The following GRIP1 variants were observed in gnomAD, a reference collection of about 807,000 sequenced individuals.
GRIP1 encodes the protein glutamate receptor interacting protein 1.
Under a neutral mutation model 129.9 loss-of-function variants are expected in GRIP1, and 45 were observed. The observed-to-expected ratio is 0.35, with a 90% confidence interval of 0.27 to 0.44. The LOEUF is 0.44. Among genes scored for constraint, GRIP1 ranks in the 20% least tolerant of loss-of-function variants. GRIP1 has a pLI of 1.00. For missense variants in GRIP1, 1,196 were observed against 1,396.8 expected (o/e 0.86, Z 2.29); for synonymous variants, 530 against 520.8 (o/e 1.02, Z -0.24).
At chr12:66,360,924 C>T (rs1264995806) in intron 23 of GRIP1, among the ~76,000 whole-genome samples, 1 of 152,184 alleles carries the variant, frequency 6.6e-6, no homozygotes. Flanking sequence ...GTCCCAATGG[C>T]CTTGAGAACC....
chr12:66,454,371 A>G (rs560587887), intron 11 of GRIP1, among the ~76,000 whole-genome samples: 13 of 152,344 alleles, frequency 8.5e-5, no homozygotes, highest in African/African-American at 2.9e-4. Flanking sequence ...GAGCACAGGA[A>G]GAGATCCCAT....
At chr12:66,613,229 T>C (rs991480668) in intron 1 of GRIP1, among the ~76,000 whole-genome samples, 25 of 152,186 alleles carry the variant, frequency 1.6e-4, no homozygotes, top group Non-Finnish European at 1.6e-4. Context: ...ACCACTTTAA[T>C]AGGGCCCTAG....
chr12:66,626,340 CA>C (rs112364955), intron 1 of GRIP1, among the ~76,000 whole-genome samples: 38 of 141,070 alleles, frequency 2.7e-4, no homozygotes, highest in Admixed American at 5.6e-4. Context: ...ACCCCATCTC[CA>C]AAAAAAAAAA....
chr12:66,465,519 G>A, intron 7 of GRIP1, 97 bp from the exon 8 acceptor site: 2 of 1,057,806 alleles, frequency 1.9e-6, no homozygotes, highest in South Asian at 2.8e-5. Context: ...GTGTTAGCCT[G>A]TTAATTTTAT....
At chr12:67,041,622 G>A (rs1391474794) in intron 1 of GRIP1, among the ~76,000 whole-genome samples, 4 of 152,116 alleles carry the variant, frequency 2.6e-5, no homozygotes, top group Admixed American at 6.5e-5. Flanking sequence ...ATCAGTAAAT[G>A]CTTCAAAGTA....
chr12:66,357,078 T>C (rs1163462710), intron 23 of GRIP1, among the ~76,000 whole-genome samples: 1 of 152,164 alleles, frequency 6.6e-6, no homozygotes, highest in African/African-American at 2.4e-5. Flanking sequence ...GGTTTCGCCA[T>C]GTTGACCAGG....
chr12:66,661,145 A>T (rs902621715), intron 1 of GRIP1, among the ~76,000 whole-genome samples: 6 of 152,080 alleles, frequency 3.9e-5, no homozygotes, highest in Non-Finnish European at 7.4e-5. Flanking sequence ...AAATACTTGA[A>T]AAAATGGCTC....
At chr12:66,374,895 T>C (rs1285068549) in intron 22 of GRIP1, among the ~76,000 whole-genome samples, 1 of 152,176 alleles carries the variant, frequency 6.6e-6, no homozygotes, top group African/African-American at 2.4e-5. Flanking sequence ...AAAACAAATA[T>C]AAAAACTAAA....
At chr12:66,983,117 G>A (rs1446027410) in intron 1 of GRIP1, among the ~76,000 whole-genome samples, 4 of 152,062 alleles carry the variant, frequency 2.6e-5, no homozygotes, top group Non-Finnish European at 5.9e-5. Context: ...ATATGAACTT[G>A]GGTCCCTTAT....
chr12:66,859,309 A>C (rs947074804), intron 1 of GRIP1, among the ~76,000 whole-genome samples: 3 of 120,232 alleles, frequency 2.5e-5, no homozygotes, highest in East Asian at 2.9e-4. Flanking sequence ...ACAAAAAAAA[A>C]CCAGTATTAG....
At chr12:66,950,261 A>C (rs1298568516) in intron 1 of GRIP1, among the ~76,000 whole-genome samples, 1 of 152,226 alleles carries the variant, frequency 6.6e-6, no homozygotes, top group Admixed American at 6.5e-5. Flanking sequence ...AATAGTTCTC[A>C]AAATTAATAT....
At chr12:66,386,648 G>GA (rs995450642) in intron 19 of GRIP1, among the ~76,000 whole-genome samples, 12 of 150,240 alleles carry the variant, frequency 8.0e-5, no homozygotes, top group Non-Finnish European at 1.2e-4. Context: ...AACAAAAAAA[G>GA]AAAAAAAAAT....
At chr12:66,521,631 C>A (rs928603882) in intron 5 of GRIP1, among the ~76,000 whole-genome samples, 37 of 152,234 alleles carry the variant, frequency 2.4e-4, no homozygotes, top group African/African-American at 8.7e-4. Context: ...GTTCATCTCA[C>A]TAGGGAGTGC....
At chr12:66,488,687 T>G (rs576455334) in intron 7 of GRIP1, among the ~76,000 whole-genome samples, 40 of 136,914 alleles carry the variant, frequency 2.9e-4, no homozygotes, top group Non-Finnish European at 4.7e-4. Flanking sequence ...ATCTAGGAGC[T>G]GCTTTTTTGA....
intron 4 of GRIP1, among the ~76,000 whole-genome samples, chr12:66,536,893 T>A (rs766074861): frequency 1.1e-4 from 16 of 152,134 alleles, no homozygotes; most frequent in Non-Finnish European, 1.9e-4. Flanking sequence ...TTCTCATTAG[T>A]ATGGAAGAGC....
intron 1 of GRIP1, among the ~76,000 whole-genome samples, chr12:66,933,695 C>A (rs1177331959): frequency 6.6e-6 from 1 of 152,108 alleles, no homozygotes; most frequent in Non-Finnish European, 1.5e-5. Flanking sequence ...TACATTCATA[C>A]CCATAAATAA....
intron 7 of GRIP1, among the ~76,000 whole-genome samples, chr12:66,471,805 G>A (rs936774059): frequency 5.3e-5 from 8 of 152,154 alleles, no homozygotes; most frequent in Non-Finnish European, 1.2e-4. Flanking sequence ...TCTGTTCCCT[G>A]ATCAAGGTTG....
rs372760716 is a variant in GRIP1 at position 66,377,494 on chromosome 12, ATT to A, written c.2622-211_2622-210del. ...AGGCGCCTGCCACCACGCCTGGCTA[ATT>A]TTTTTTTTTTTTTTTTGTATTTTTA... On this transcript the variant is annotated intron_variant, in intron 20 of 24. Transcript: ENST00000359742. 4.5e-3 allele frequency among the ~76,000 whole-genome samples: 609 copies of A among 134,284 alleles called. 4 individuals carry two copies. Among genetic ancestry groups the A allele is most frequent in the African/African-American group, 0.014 (510 of 36,580 alleles). 88.1% of individuals were successfully genotyped at this position (134,284 alleles called of 152,430 possible).
At chr12:66,420,817 A>C in intron 14 of GRIP1, 28 bp from the exon 15 acceptor site, 2 of 1,201,326 alleles carry the variant, frequency 1.7e-6, no homozygotes, top group Non-Finnish European at 2.5e-6. Flanking sequence ...GAATAATCAC[A>C]TCTTTATATC....
Sources: gnomAD v4.1 joint callset for allele counts (sites outside exome capture counted in the v4.1 genomes callset) on GRCh38, gnomAD v4.1.1 for gene constraint, MANE v1.5 for transcripts, NCBI Gene and HGNC (gene_info 2026-07-23, HGNC 2026-07-21) for gene names.